Variants in MORF4L2 observed in about 807,000 individuals in gnomAD.
MORF4L2 encodes the protein mortality factor 4-like protein 2.
Under a neutral mutation model 12.0 loss-of-function variants are expected in MORF4L2, and 1 was observed. That is an observed-to-expected ratio of 0.08 (90% CI 0.03 to 0.40). MORF4L2 has a LOEUF of 0.40. Ranked by LOEUF, MORF4L2 falls within the 10% of genes least tolerant of loss-of-function variation. The probability of loss-of-function intolerance (pLI) is 0.98; values close to 1 mark genes in which losing one functional copy is unlikely to be tolerated. For missense variants in MORF4L2, 123 were observed against 214.0 expected (o/e 0.57, Z 2.65); for synonymous variants, 69 against 81.6 (o/e 0.85, Z 0.83).
intron 2 of MORF4L2, among the ~76,000 whole-genome samples, chrX:103,681,878 C>G (rs757879384): frequency 4.5e-5 from 5 of 111,191 alleles, no homozygotes; most frequent in Non-Finnish European, 9.4e-5. Context: ...GTAATTAGAT[C>G]TTGTGGTACC....
At chrX:103,681,479 G>C (rs143865375) in intron 2 of MORF4L2, among the ~76,000 whole-genome samples, 1 of 111,724 alleles carries the variant, frequency 9.0e-6, no homozygotes, top group African/African-American at 3.2e-5. Context: ...TCCTTCCCTG[G>C]AAATATCCAG....
intron 2 of MORF4L2, among the ~76,000 whole-genome samples, chrX:103,679,400 T>C (rs1292714887): frequency 9.5e-6 from 1 of 105,202 alleles, no homozygotes; most frequent in Non-Finnish European, 1.9e-5. Flanking sequence ...ACGCCTGTAG[T>C]CTCAGCTACT....
chrX:103,678,799 A>G (rs1183817879), intron 2 of MORF4L2, 148 bp from the exon 3 acceptor site: 2 of 112,628 alleles, frequency 1.8e-5, no homozygotes, highest in Admixed American at 1.9e-4. Flanking sequence ...CTTTACTTCA[A>G]TTAGGCTCCG....
chrX:103,688,001 A>T (rs1373700650), upstream of MORF4L2: 1 of 111,473 alleles, frequency 9.0e-6, no homozygotes, highest in Non-Finnish European at 1.9e-5. Context: ...TTGCGTCCTG[A>T]TCTCCAAGCA....
chrX:103,684,117 C>G (rs1405689478), intron 2 of MORF4L2, among the ~76,000 whole-genome samples: 1 of 112,505 alleles, frequency 8.9e-6, no homozygotes, highest in Admixed American at 9.4e-5. Flanking sequence ...ATTTGGGAAT[C>G]AGACTGCAAA....
rs2073844591 is a variant in MORF4L2 at position 103,676,224 on chromosome X, T to C, written c.804A>G (p.Ala268=). ...DFLKYLAKNS[A]SLFTASDYKV... is the part of the protein sequence containing the mutation. ...TGTAATCACTGGCAGTAAAGAGAGA[T>C]GCAGAATTCTTTGCCAGATATTTTA... is the stretch of plus-strand genomic sequence containing the variant. The change falls in exon 4 of 4, where the codon GCA becomes GCG. Residue 268 remains alanine (A), a synonymous_variant. Coordinates refer to ENST00000441076, the MANE Select transcript of MORF4L2 (RefSeq NM_012286.3). 1 of 1,209,285 alleles carries C rather than the reference T, an allele frequency of 8.3e-7. No individual in the cohort carries two copies. Among genetic ancestry groups the C allele is most frequent in the African/African-American group, 1.7e-5 (1 of 57,256 alleles).
chrX:103,676,677 A>G lies in MORF4L2; in HGVS notation c.351T>C (p.Asn117=). 1 of 1,209,131 alleles carries G rather than the reference A, an allele frequency of 8.3e-7. No individual in the cohort carries two copies. The highest frequency in any genetic ancestry group is 1.1e-6 in the Non-Finnish European group (1 of 894,977). Reference sequence around the variant, plus strand: ...GAATCTTCACTTTAACCTCCATTCTATTCTTAAACGCCTCCTCACTTTCAA... The same window carrying G: ...GAATCTTCACTTTAACCTCCATTCTGTTCTTAAACGCCTCCTCACTTTCAA... ...PTVESEEAFK[N]RMEVKVKIPE... The change falls in exon 4 of 4, where the codon AAT becomes AAC. Residue 117 remains asparagine, a synonymous_variant. Coordinates refer to ENST00000441076, the MANE Select transcript of MORF4L2 (RefSeq NM_012286.3).
chrX:103,682,240 G>A (rs1404799366), intron 2 of MORF4L2, among the ~76,000 whole-genome samples: 2 of 111,551 alleles, frequency 1.8e-5, no homozygotes, highest in African/African-American at 3.3e-5. Context: ...ATAATGTTAT[G>A]TACTATAACC....
chrX:103,687,107 T>C (rs1412577977), upstream of MORF4L2, among the ~76,000 whole-genome samples: 3 of 109,456 alleles, frequency 2.7e-5, no homozygotes, highest in Non-Finnish European at 5.7e-5. Flanking sequence ...TTTTCCTTTT[T>C]TTTTTTTTTC....
chrX:103,687,304 G>A (rs2074137437), upstream of MORF4L2: 1 of 112,182 alleles, frequency 8.9e-6, no homozygotes, highest in African/African-American at 3.2e-5. Flanking sequence ...GGAAAAAAAA[G>A]GCGCAGTGGG....
At chrX:103,677,123 C>A in intron 3 of MORF4L2, 72 bp from the exon 4 acceptor site, 5 of 785,798 alleles carry the variant, frequency 6.4e-6, no homozygotes, top group Non-Finnish European at 8.9e-6. Flanking sequence ...AAAGGCCCAT[C>A]AGAGAATAAC....
At chrX:103,680,195 CAAAT>C (rs201286722) in intron 2 of MORF4L2, among the ~76,000 whole-genome samples, 2,500 of 112,381 alleles carry the variant, frequency 0.022, 60 homozygotes, top group African/African-American at 0.076. Flanking sequence ...AACAAACAAA[CAAAT>C]AAATAAATAT....
intron 1 of MORF4L2, among the ~76,000 whole-genome samples, chrX:103,686,136 C>T (rs868100051): frequency 4.2e-5 from 3 of 70,903 alleles, no homozygotes; most frequent in African/African-American, 1.6e-4. Context: ...CCCCCCCCCC[C>T]ACCTTTTATT....
intron 2 of MORF4L2, among the ~76,000 whole-genome samples, chrX:103,682,698 GTTTTA>G (rs993225787): frequency 3.6e-5 from 4 of 111,834 alleles, no homozygotes; most frequent in Admixed American, 9.5e-5. Flanking sequence ...TTAAATATTA[GTTTTA>G]TTTTATGTTG....
Position 103,682,364 on chromosome X carries a change from C to A in MORF4L2, c.-178+2807G>T, listed in dbSNP as rs1428052305. ...GTTAAGTACCTCTGAAGGATATATT[C>A]CAAGAGGAACTATTTAGCGAAAGGA... is the stretch of plus-strand genomic sequence containing the variant. On this transcript the variant is annotated intron_variant, in intron 2 of 3. Transcript: ENST00000441076. Among the ~76,000 whole-genome samples, 8 of 111,958 alleles carry A rather than the reference C, an allele frequency of 7.1e-5. No homozygotes were observed. The Admixed American group carries it at 7.5e-4, about 11-fold the overall frequency.
chrX:103,677,781 A>C (rs1199326260), intron 3 of MORF4L2, among the ~76,000 whole-genome samples: 2 of 112,080 alleles, frequency 1.8e-5, no homozygotes, highest in African/African-American at 6.5e-5. Context: ...GACAATTATA[A>C]AACGATAAGG....
intron 1 of MORF4L2, among the ~76,000 whole-genome samples, chrX:103,686,282 G>C (rs1456734114): frequency 9.0e-6 from 1 of 111,730 alleles, no homozygotes; most frequent in Non-Finnish European, 1.9e-5. Context: ...ATGGCAGAAA[G>C]GGCACTACAA....
chrX:103,679,876 A>AG lies in MORF4L2; in HGVS notation c.-177-1226_-177-1225insC, dbSNP rs1242985953. Among the ~76,000 whole-genome samples the AG allele has an allele frequency of 2.2e-3, 213 of 96,071 alleles. 1 individual carries two copies. Among genetic ancestry groups the AG allele is most frequent in the African/African-American group, 7.4e-3 (194 of 26,157 alleles). 83.4% of individuals were successfully genotyped at this position (96,071 alleles called of 115,157 possible). ...ACCTGTGGGCAAAAAAAAAAAAAAA[A>AG]AAAAAAAAAGAAAAGAAAAGAAAAC... On this transcript the variant is annotated intron_variant, in intron 2 of 3. Transcript: ENST00000441076.
At chrX:103,682,396 T>C (rs910464520) in intron 2 of MORF4L2, among the ~76,000 whole-genome samples, 5 of 112,246 alleles carry the variant, frequency 4.5e-5, no homozygotes, top group Non-Finnish European at 7.5e-5. Context: ...AGGATTTGCT[T>C]ATTTATAACT....
Sources: gnomAD v4.1 joint callset for allele counts (sites outside exome capture counted in the v4.1 genomes callset) on GRCh38, gnomAD v4.1.1 for gene constraint, MANE v1.5 for transcripts, NCBI Gene and HGNC (gene_info 2026-07-23, HGNC 2026-07-21) for gene names.